ITGA7: variants seen among roughly 807,000 people sequenced by gnomAD.
ITGA7 encodes integrin alpha-7.
In ITGA7, 84 loss-of-function variants were observed where a neutral mutation model predicts 131.6. The observed-to-expected ratio is 0.64, with a 90% CI of 0.54 to 0.77. ITGA7 has a LOEUF of 0.77. Among genes scored for constraint, ITGA7 ranks in the 30% least tolerant of loss-of-function variants. The pLI, the probability that ITGA7 is intolerant of heterozygous loss-of-function variation, is 0.00. For missense variants in ITGA7, 1,399 were observed against 1,482.9 expected (o/e 0.94, Z 0.93); for synonymous variants, 548 against 600.7 (o/e 0.91, Z 1.28).
At chr12:55,707,004 C>T (rs1875336391) in intron 1 of ITGA7, among the ~76,000 whole-genome samples, 1 of 152,226 alleles carries the variant, frequency 6.6e-6, no homozygotes, top group South Asian at 2.1e-4. Flanking sequence ...TCATTCCATC[C>T]ATGGCAATGC....
upstream of ITGA7, among the ~76,000 whole-genome samples, chr12:55,712,942 CAAG>C (rs1209239734): frequency 6.6e-6 from 1 of 152,120 alleles, no homozygotes; most frequent in African/African-American, 2.4e-5. Context: ...GCAGTTGTGC[CAAG>C]AAGGGTGAGG....
In ITGA7 at chr12:55,693,158, G is replaced by C; in HGVS notation, c.2695C>G (p.Pro899Ala). The C allele has an allele frequency of 6.2e-7, 1 of 1,613,932 alleles. No homozygotes were observed. The highest frequency in any genetic ancestry group is 1.1e-5 in the South Asian group (1 of 91,044). ...AGCCTCACCAGGTGGAGGATGTTGG[G>C]CCTGGGAGAGCAAAGCCCTTTCTGC... ...PGQKGLCSPR[P>A]NILHLDVDSR... The change falls in exon 20 of 25, where the codon CCC becomes GCC. Residue 899 changes from proline (P) to alanine (A), a missense_variant. By Grantham distance (27) the Pro-to-Ala change is conservative. Transcript: ENST00000257879.
At chr12:55,687,843 G>T (rs1870563602) in intron 24 of ITGA7, 128 bp downstream of exon 24, 2 of 1,259,814 alleles carry the variant, frequency 1.6e-6, no homozygotes, top group African/African-American at 1.5e-5. Context: ...CCTGAGACAT[G>T]CAGGGCAAGT....
chr12:55,685,310 C>T (rs1164787148), intron 24 of ITGA7, 22 bp from the exon 25 acceptor site: 2 of 1,608,542 alleles, frequency 1.2e-6, no homozygotes, highest in East Asian at 4.5e-5. Flanking sequence ...CCAGGCCAGA[C>T]CATGAGGAGC....
intron 22 of ITGA7, 133 bp downstream of exon 22, chr12:55,688,711 A>C: frequency 1.4e-6 from 1 of 701,074 alleles, no homozygotes. Context: ...GGACAAAGGA[A>C]GACTCCGTCT....
Position 55,694,055 on chromosome 12 carries a change from C to T in ITGA7, c.2501G>A (p.Arg834Gln). 6.2e-7 allele frequency: 1 copy of T among 1,614,136 alleles called. No individual in the cohort carries two copies. Among genetic ancestry groups the T allele is most frequent in the Non-Finnish European group, 8.5e-7 (1 of 1,179,996 alleles). ...VRGERAMQSERDVGSKVKYEV... is the reference protein window; with the variant it reads ...VRGERAMQSEQDVGSKVKYEV... ...ATACTTGACCTTGCTGCCCACATCC[C>T]GCTCAGACTGCATGGCTCTCTCGCC... Residue 834 changes from arginine (R) to glutamine (Q), a missense_variant, in exon 19 of 25, where the codon CGG (arginine) becomes CAG (glutamine). By Grantham distance (43) the Arg-to-Gln change is conservative. Transcript: ENST00000257879. The surrounding 1 kb of genome is among the most constrained non-coding windows in gnomAD (Gnocchi z 5.3).
rs764231665 is a variant in ITGA7, at chr12:55,700,002, G to T, written c.671-13C>A. 1.2e-6 allele frequency: 2 copies of T among 1,613,946 alleles called. No homozygotes were observed. The highest frequency in any genetic ancestry group is 1.7e-6 in the Non-Finnish European group (2 of 1,179,910). Reference sequence around the variant, plus strand: ...ACAAAAAGCAACCCTGTGGGGGGTGGGGTGAGACACCAGGGAGGGGACATC... The same window carrying T: ...ACAAAAAGCAACCCTGTGGGGGGTGTGGTGAGACACCAGGGAGGGGACATC... On this transcript the variant is annotated splice_polypyrimidine_tract_variant and intron_variant, in intron 4 of 24. Coordinates refer to ENST00000257879, the MANE Select transcript of ITGA7 (RefSeq NM_002206.3).
chr12:55,697,675 A>G lies in ITGA7; in HGVS notation c.1409+20T>C. The G allele has an allele frequency of 1.2e-6, 2 of 1,614,106 alleles. No individual in the cohort carries two copies. The highest frequency in any genetic ancestry group is 1.7e-6 in the Non-Finnish European group (2 of 1,179,976). On this transcript the variant is annotated intron_variant, in intron 9 of 24. Transcript: ENST00000257879. The stretch of plus-strand genomic sequence containing the variant: ...AGGGGCTGACGGCCTCAGGGAGGGA[A>G]AAGGTTGAGAGGGGCTCACCTGAAG...
intron 19 of ITGA7, 94 bp downstream of exon 19, chr12:55,693,927 G>A: frequency 9.9e-7 from 1 of 1,009,226 alleles, no homozygotes; most frequent in Non-Finnish European, 1.5e-6. Flanking sequence ...CTGCCACATG[G>A]TAGAAGAGCC....
At position 55,694,702 on chromosome 12, in the gene ITGA7, T is replaced by C. The variant is rs745457853; in HGVS notation, c.2197-7A>G. 34 of 1,613,918 alleles carry C rather than the reference T, an allele frequency of 2.1e-5. No homozygotes were observed. The East Asian group carries it at 6.9e-4, about 33-fold the overall frequency. On this transcript the variant is annotated splice_polypyrimidine_tract_variant and splice_region_variant and intron_variant, in intron 15 of 24. Transcript: ENST00000257879. The surrounding 1 kb of genome is among the most constrained non-coding windows in gnomAD (Gnocchi z 5.3). ...ACAGGCAGAGTGGCTTCTCCTGGAA[T>C]GGGAGAGAAGGCAAGGTCAGTCTGG...
chr12:55,694,724 C>G lies in ITGA7; in HGVS notation c.2197-29G>C. 1 of 1,614,018 alleles carries G rather than the reference C, an allele frequency of 6.2e-7. No individual in the cohort carries two copies. The highest frequency in any genetic ancestry group is 8.5e-7 in the Non-Finnish European group (1 of 1,179,904). Reference sequence around the variant, plus strand: ...GAATGGGAGAGAAGGCAAGGTCAGTCTGGGTTACTGGAGCCCCTCAAGACC... The same window carrying G: ...GAATGGGAGAGAAGGCAAGGTCAGTGTGGGTTACTGGAGCCCCTCAAGACC... On this transcript the variant is annotated intron_variant, in intron 15 of 24. Coordinates refer to ENST00000257879, the MANE Select transcript of ITGA7 (RefSeq NM_002206.3). This position sits in a 1 kb window ranked among gnomAD's most constrained non-coding sequence, Gnocchi z 5.3.
intron 5 of ITGA7, 67 bp downstream of exon 5, chr12:55,699,803 A>T: frequency 1.3e-6 from 2 of 1,553,704 alleles, no homozygotes; most frequent in Non-Finnish European, 1.7e-6. Flanking sequence ...CCAAAGGTCG[A>T]GTTCCCTGGG....
At position 55,688,296 on chromosome 12, in the gene ITGA7, T is replaced by C. The variant is rs1191095890; in HGVS notation, c.2963A>G (p.Tyr988Cys). Residue 988 changes from tyrosine to cysteine, a missense_variant, in exon 23 of 25, where the codon TAC becomes TGC. Tyr to Cys is a radical substitution (Grantham distance 194). Transcript: ENST00000257879. Reference protein sequence around the residue: ...RLWNSTFLEEYSAVKSLEVIV... With the variant: ...RLWNSTFLEECSAVKSLEVIV... ...CACTTCCAGGGACTTCACAGCTGAGTACTCCTAAGGGAACAGGGAAGGAGA... is the reference window on the plus strand; with the variant it reads ...CACTTCCAGGGACTTCACAGCTGAGCACTCCTAAGGGAACAGGGAAGGAGA... 20 of 1,612,240 alleles carry C rather than the reference T, an allele frequency of 1.2e-5. No homozygotes were observed. The highest frequency in any genetic ancestry group is 1.7e-5 in the Non-Finnish European group (20 of 1,178,494).
upstream of ITGA7, chr12:55,716,182 G>T (rs1445397217): frequency 6.8e-6 from 11 of 1,610,382 alleles, no homozygotes; most frequent in African/African-American, 1.3e-5. Flanking sequence ...CAGAATGAAC[G>T]CAAGGAGCTG....
chr12:55,702,487 G>A (rs536956168), intron 3 of ITGA7, among the ~76,000 whole-genome samples: 17 of 152,116 alleles, frequency 1.1e-4, no homozygotes, highest in African/African-American at 3.9e-4. Context: ...TAATTTTTTT[G>A]TATTTTTAGG....
chr12:55,685,341 G>A lies in ITGA7; in HGVS notation c.3184-53C>T, dbSNP rs112933793. ...GGAGCCTGAAGAGCTGCGGTCCCTG[G>A]AGCAGATGCCTAGCGCGGCACAGCT... is the stretch of plus-strand genomic sequence containing the variant. On this transcript the variant is annotated intron_variant, in intron 24 of 24. Transcript: ENST00000257879. 2.9e-5 allele frequency: 45 copies of A among 1,526,370 alleles called. No homozygotes were observed. In the African/African-American group the frequency reaches 4.4e-4, roughly 15 times the overall value. 94.6% of individuals were successfully genotyped at this position (1,526,370 alleles called of 1,614,324 possible).
At chr12:55,698,128 T>C (rs1873068971) in intron 7 of ITGA7, 102 bp from the exon 8 acceptor site, 10 of 1,150,670 alleles carry the variant, frequency 8.7e-6, no homozygotes, top group South Asian at 7.5e-5. Context: ...TTCTATTTTA[T>C]TGAGAGGCTA....
chr12:55,695,109 C>A, intron 14 of ITGA7, 139 bp from the exon 15 acceptor site: 1 of 809,804 alleles, frequency 1.2e-6, no homozygotes, highest in South Asian at 1.6e-5. Flanking sequence ...CCCGTCCAAG[C>A]CTCAGGCCTC....
intron 21 of ITGA7, among the ~76,000 whole-genome samples, chr12:55,691,332 G>C (rs1394760003): frequency 6.6e-6 from 1 of 152,020 alleles, no homozygotes; most frequent in East Asian, 1.9e-4. Context: ...TGGCTGGGGA[G>C]ATGGAGGAGA....
Sources: allele counts gnomAD v4.1 joint callset (sites outside exome capture counted in the v4.1 genomes callset), GRCh38; gene constraint gnomAD v4.1.1; non-coding constraint Gnocchi (gnomAD v3.1); transcripts MANE v1.5; gene names NCBI Gene and HGNC (gene_info 2026-07-23, HGNC 2026-07-21).